Variants in TEX11 observed in about 807,000 individuals in gnomAD.
TEX11 encodes testis expressed 11, also known as testis-expressed protein 11.
Under a neutral mutation model 84.4 loss-of-function variants are expected in TEX11, and 7 were observed. The observed-to-expected ratio is 0.08, with a 90% CI of 0.05 to 0.16. The LOEUF is 0.16. Among genes scored for constraint, TEX11 ranks in the 10% least tolerant of loss-of-function variants. The pLI, the probability that TEX11 is intolerant of heterozygous loss-of-function variation, is 1.00. For synonymous variants in TEX11, 264 were observed against 222.8 expected (o/e 1.18, Z -1.64); for missense variants, 551 against 660.5 (o/e 0.83, Z 1.82).
intron 17 of TEX11, among the ~76,000 whole-genome samples, chrX:70,629,959 G>A (rs1485654253): frequency 8.9e-6 from 1 of 111,846 alleles, no homozygotes; most frequent in Non-Finnish European, 1.9e-5. Context: ...TTTATCTTAC[G>A]GATATATTTG....
intron 7 of TEX11, among the ~76,000 whole-genome samples, chrX:70,837,708 A>G (rs1479235925): frequency 8.9e-6 from 1 of 112,235 alleles, no homozygotes; most frequent in East Asian, 2.8e-4. Flanking sequence ...TGTTCTTAAA[A>G]TGACAAAATT....
At chrX:70,575,884 A>G (rs959067710) in intron 25 of TEX11, among the ~76,000 whole-genome samples, 3 of 111,815 alleles carry the variant, frequency 2.7e-5, no homozygotes, top group African/African-American at 9.7e-5. Flanking sequence ...CACCTTTTGG[A>G]ATAGATCATT....
At chrX:70,564,551 C>G (rs1185132731) in intron 25 of TEX11, among the ~76,000 whole-genome samples, 2 of 80,224 alleles carry the variant, frequency 2.5e-5, no homozygotes, top group East Asian at 1.0e-3. Context: ...CTATCCCTCG[C>G]CCCTCCCCCC....
intron 8 of TEX11, among the ~76,000 whole-genome samples, chrX:70,817,252 TATACACAC>T (rs1239601179): frequency 9.5e-5 from 9 of 95,186 alleles, no homozygotes; most frequent in Non-Finnish European, 1.7e-4. Context: ...CACATATATA[TATACACAC>T]ACACACACAC....
At chrX:70,849,295 C>A (rs1236913970) in intron 7 of TEX11, among the ~76,000 whole-genome samples, 6 of 112,013 alleles carry the variant, frequency 5.4e-5, no homozygotes, top group Admixed American at 9.5e-5. Flanking sequence ...TACATCTCCA[C>A]TCACACATAG....
rs932379329 is a variant in TEX11, at chrX:70,610,413, G to A, written c.1792+90C>T. On this transcript the variant is annotated intron_variant, in intron 21 of 29. Transcript: ENST00000374333. ...AGCATGAAGCTTAACTCAAACATAA[G>A]GTTAAAGTTGCTGTGCTTAGTGTAC... 6 of 830,626 alleles carry A rather than the reference G, an allele frequency of 7.2e-6. No homozygotes were observed. The African/African-American group carries it at 8.3e-5, about 11-fold the overall frequency. The allele number at this position is 830,626 out of a possible 1,213,427, so 68.5% of individuals were successfully genotyped here.
Position 70,577,797 on chromosome X carries a change from T to G in TEX11, c.2140+13954A>C, listed in dbSNP as rs113538950. On this transcript the variant is annotated intron_variant, in intron 25 of 29. Coordinates refer to ENST00000374333, the MANE Select transcript of TEX11 (RefSeq NM_031276.3). ...GGTTGGAGTGCAGTGGCAGGATCTC[T>G]GCTCACCGCAACCTCCGCCTCCTGG... Among the ~76,000 whole-genome samples the G allele has an allele frequency of 5.7e-3, 521 of 90,771 alleles. 65 individuals are homozygous for G. The highest frequency in any genetic ancestry group is 9.1e-3 in the Non-Finnish European group (369 of 40,764). 78.8% of individuals were successfully genotyped at this position (90,771 alleles called of 115,157 possible). A position where few individuals can be genotyped will look rare whatever the true frequency, so the allele number is the denominator to read the frequency against.
At position 70,579,446 on chromosome X, in the gene TEX11, G is replaced by A. The variant is rs761966450; in HGVS notation, c.2140+12305C>T. Among the ~76,000 whole-genome samples the A allele has an allele frequency of 2.1e-4, 22 of 106,419 alleles. No homozygotes were observed. In the South Asian group the frequency reaches 3.0e-3, roughly 15 times the overall value. The allele number at this position is 106,419 out of a possible 115,157, so 92.4% of individuals were successfully genotyped here. ...CAGGAGGCGGAGCTTACAGTAAGCCGAGATCGCACCACTGCACTCCAGCCT... is the reference window on the plus strand; with the variant it reads ...CAGGAGGCGGAGCTTACAGTAAGCCAAGATCGCACCACTGCACTCCAGCCT... On this transcript the variant is annotated intron_variant, in intron 25 of 29. Transcript: ENST00000374333.
At chrX:70,803,488 A>G (rs1428070256) in intron 9 of TEX11, among the ~76,000 whole-genome samples, 1 of 112,033 alleles carries the variant, frequency 8.9e-6, no homozygotes, top group Non-Finnish European at 1.9e-5. Context: ...AACAAAAATC[A>G]AGGGAAATAA....
chrX:70,588,968 G>A (rs1489818977), intron 25 of TEX11, among the ~76,000 whole-genome samples: 3 of 108,768 alleles, frequency 2.8e-5, no homozygotes, highest in Admixed American at 9.9e-5. Flanking sequence ...TCTAGAATAG[G>A]CAAATTCATA....
chrX:70,676,576 G>A (rs867622291), intron 15 of TEX11, among the ~76,000 whole-genome samples: 4 of 111,520 alleles, frequency 3.6e-5, no homozygotes, highest in African/African-American at 6.5e-5. Context: ...CGTTGGTGTC[G>A]TTTTGTGTTT....
At chrX:70,775,509 A>C (rs1476425505) in intron 9 of TEX11, among the ~76,000 whole-genome samples, 1 of 110,839 alleles carries the variant, frequency 9.0e-6, no homozygotes, top group African/African-American at 3.3e-5. Context: ...ATCTCATTAA[A>C]AAGTGAGGTA....
At chrX:70,869,378 C>T (rs1022937998) in intron 4 of TEX11, among the ~76,000 whole-genome samples, 22 of 109,932 alleles carry the variant, frequency 2.0e-4, no homozygotes, top group African/African-American at 6.6e-4. Flanking sequence ...CTTTGATTGA[C>T]AAGCTTCTTG....
intron 12 of TEX11, among the ~76,000 whole-genome samples, chrX:70,723,830 C>T (rs1310469151): frequency 9.0e-6 from 1 of 111,540 alleles, no homozygotes; most frequent in African/African-American, 3.2e-5. Flanking sequence ...GTTAGGCTGA[C>T]CATTTTAAGA....
chrX:70,515,272 C>T, the TEX11 span, among the ~76,000 whole-genome samples: 1 of 107,383 alleles, frequency 9.3e-6, no homozygotes, highest in Admixed American at 1.0e-4. Context: ...TCCTCCACCC[C>T]CCCCCACCCC....
intron 9 of TEX11, among the ~76,000 whole-genome samples, chrX:70,792,363 C>T (rs1176450584): frequency 6.7e-4 from 24 of 36,072 alleles, no homozygotes; most frequent in Non-Finnish European, 1.0e-3. Flanking sequence ...TATATACACA[C>T]ACAAATATAT....
chrX:70,566,248 T>C (rs2088474543), intron 25 of TEX11, among the ~76,000 whole-genome samples: 1 of 100,839 alleles, frequency 9.9e-6, no homozygotes, highest in African/African-American at 3.7e-5. Context: ...TTTTGTACAT[T>C]GATTTTGTAT....
At chrX:70,797,193 T>A (rs1369800538) in intron 9 of TEX11, among the ~76,000 whole-genome samples, 1 of 112,004 alleles carries the variant, frequency 8.9e-6, no homozygotes, top group Non-Finnish European at 1.9e-5. Flanking sequence ...TTCACAATAG[T>A]AAAGACATGG....
rs540747830 is a variant in TEX11 at position 70,579,228 on chromosome X, C to T, written c.2140+12523G>A. Among the ~76,000 whole-genome samples the T allele has an allele frequency of 4.8e-4, 52 of 109,230 alleles. 1 individual carries two copies. In the South Asian group the frequency reaches 6.5e-3, roughly 14 times the overall value. The allele number at this position is 109,230 out of a possible 115,157, so 94.9% of individuals were successfully genotyped here. A position where few individuals can be genotyped will look rare whatever the true frequency, so the allele number is the denominator to read the frequency against. On this transcript the variant is annotated intron_variant, in intron 25 of 29. Transcript: ENST00000374333. ...ACTGGGCCGGGCGCGGTGGCTCACA[C>T]CTGTAATCCCAGCACTTTGGGAGGC...
Sources: allele counts gnomAD v4.1 joint callset (sites outside exome capture counted in the v4.1 genomes callset), GRCh38; gene constraint gnomAD v4.1.1; transcripts MANE v1.5; gene names NCBI Gene and HGNC (gene_info 2026-07-23, HGNC 2026-07-21).